Variants in KCNQ3 observed in about 807,000 individuals in gnomAD.
KCNQ3 encodes the protein potassium voltage-gated channel subfamily Q member 3.
A neutral mutation model predicts 92.5 loss-of-function variants in KCNQ3; 30 were observed. The ratio of observed to expected loss-of-function variants is 0.32; its 90% CI spans 0.24 to 0.44. KCNQ3 has a LOEUF of 0.44. Ranked by LOEUF, KCNQ3 falls within the 20% of genes least tolerant of loss-of-function variation. KCNQ3 has a pLI of 1.00. For missense variants in KCNQ3, 913 were observed against 1,140.3 expected (o/e 0.80, Z 2.87); for synonymous variants, 450 against 468.8 (o/e 0.96, Z 0.52).
chr8:132,223,093 A>T (rs1410017666), intron 1 of KCNQ3, among the ~76,000 whole-genome samples: 2 of 151,690 alleles, frequency 1.3e-5, no homozygotes, highest in African/African-American at 4.9e-5. Context: ...AAATTCATAC[A>T]TTCAACAAAA....
intron 9 of KCNQ3, among the ~76,000 whole-genome samples, chr8:132,152,251 C>T (rs996845075): frequency 2.0e-4 from 31 of 152,084 alleles, no homozygotes; most frequent in African/African-American, 6.8e-4. Context: ...AAGAGCTAAC[C>T]GAATGAACTC....
chr8:132,188,919 T>G (rs543739879), intron 1 of KCNQ3, among the ~76,000 whole-genome samples: 2 of 152,224 alleles, frequency 1.3e-5, no homozygotes, highest in South Asian at 4.1e-4. Flanking sequence ...ATTTTACATG[T>G]TGACCTGGAG....
intron 1 of KCNQ3, among the ~76,000 whole-genome samples, chr8:132,377,158 C>T (rs1438315136): frequency 6.6e-6 from 1 of 152,184 alleles, no homozygotes; most frequent in African/African-American, 2.4e-5. Context: ...TAAGCACCAT[C>T]CAATCCACTG....
Position 132,122,759 on chromosome 8 carries a change from A to G in KCNQ3, c.*6503T>C, listed in dbSNP as rs1171613010. The G allele has an allele frequency of 1.3e-5, 2 of 152,198 alleles. No individual in the cohort carries two copies. Among genetic ancestry groups the G allele is most frequent in the African/African-American group, 4.8e-5 (2 of 41,446 alleles). The allele number at this position is 152,198 out of a possible 1,614,324, so 9.4% of individuals were successfully genotyped here. ...AAACATCCTACCACAGGGATTCACA[A>G]GGACTGCTGGGGAGCCCTGCCAAAT... is the stretch of plus-strand genomic sequence containing the variant. On this transcript the variant is annotated 3_prime_UTR_variant, in exon 15 of 15. Transcript: ENST00000388996.
chr8:132,364,331 G>T (rs1333178455), intron 1 of KCNQ3, among the ~76,000 whole-genome samples: 1 of 152,206 alleles, frequency 6.6e-6, no homozygotes, highest in Non-Finnish European at 1.5e-5. Context: ...GGCTCCAAGT[G>T]TTGGCAATAC....
chr8:132,429,929 A>G (rs1421814617), intron 1 of KCNQ3, among the ~76,000 whole-genome samples: 1 of 151,844 alleles, frequency 6.6e-6, no homozygotes, highest in Non-Finnish European at 1.5e-5. Context: ...TCCTCTGCTC[A>G]CACCTTAGAC....
chr8:132,421,911 A>G (rs1363911994), intron 1 of KCNQ3, among the ~76,000 whole-genome samples: 1 of 152,124 alleles, frequency 6.6e-6, no homozygotes, highest in African/African-American at 2.4e-5. Flanking sequence ...AAATCCTCAT[A>G]CTAGTTCCAA....
chr8:132,281,114 A>C (rs1487063513), intron 1 of KCNQ3, among the ~76,000 whole-genome samples: 1 of 152,148 alleles, frequency 6.6e-6, no homozygotes, highest in Non-Finnish European at 1.5e-5. Context: ...GACTTCATTT[A>C]ATAGTCCACA....
At chr8:132,293,903 T>C (rs987603267) in intron 1 of KCNQ3, among the ~76,000 whole-genome samples, 1 of 152,010 alleles carries the variant, frequency 6.6e-6, no homozygotes, top group Admixed American at 6.5e-5. Context: ...CTCTCCTCCA[T>C]CAACCATGTT....
chr8:132,313,267 G>T (rs968622178), intron 1 of KCNQ3, among the ~76,000 whole-genome samples: 2 of 152,202 alleles, frequency 1.3e-5, no homozygotes, highest in African/African-American at 4.8e-5. Flanking sequence ...GAATAGTTTA[G>T]AAAAACAGAA....
At chr8:132,260,344 T>C (rs551310247) in intron 1 of KCNQ3, among the ~76,000 whole-genome samples, 1 of 152,280 alleles carries the variant, frequency 6.6e-6, no homozygotes, top group South Asian at 2.1e-4. Context: ...CTAACAATTA[T>C]TTACTAAACA....
At chr8:132,392,924 T>G (rs981251002) in intron 1 of KCNQ3, among the ~76,000 whole-genome samples, 1 of 152,146 alleles carries the variant, frequency 6.6e-6, no homozygotes, top group Non-Finnish European at 1.5e-5. Context: ...ACCTTTTTCT[T>G]TTTTTCTGGT....
chr8:132,401,968 T>TCAGC (rs148647176), intron 1 of KCNQ3, among the ~76,000 whole-genome samples: 2 of 32,498 alleles, frequency 6.2e-5, no homozygotes, highest in Non-Finnish European at 2.5e-4. Context: ...GCTGGTGCAG[T>TCAGC]CGGGCAGTTG....
chr8:132,267,842 C>T (rs745366730), intron 1 of KCNQ3, among the ~76,000 whole-genome samples: 3 of 152,170 alleles, frequency 2.0e-5, no homozygotes, highest in Admixed American at 6.5e-5. Flanking sequence ...TTCCATATAT[C>T]CCTGTCCCCA....
chr8:132,266,348 C>T (rs956388633), intron 1 of KCNQ3, among the ~76,000 whole-genome samples: 2 of 152,188 alleles, frequency 1.3e-5, no homozygotes, highest in African/African-American at 4.8e-5. Flanking sequence ...AACCCAGCAT[C>T]TCTTCTAAGC....
chr8:132,326,138 T>C (rs1818045215), intron 1 of KCNQ3, among the ~76,000 whole-genome samples: 1 of 151,958 alleles, frequency 6.6e-6, no homozygotes, highest in Non-Finnish European at 1.5e-5. Context: ...GACAATGTGG[T>C]GAAGGTGATG....
At chr8:132,186,712 A>G (rs1202693892) in intron 1 of KCNQ3, 8 of 250,148 alleles carry the variant, frequency 3.2e-5, no homozygotes, top group South Asian at 4.8e-5. Flanking sequence ...TTTACAGTCA[A>G]TGGAACCTCT....
At chr8:132,265,144 G>T (rs928841995) in intron 1 of KCNQ3, among the ~76,000 whole-genome samples, 1 of 152,222 alleles carries the variant, frequency 6.6e-6, no homozygotes, top group African/African-American at 2.4e-5. Context: ...CATAGTAGGT[G>T]CTCAACAAAT....
intron 1 of KCNQ3, among the ~76,000 whole-genome samples, chr8:132,360,830 T>C (rs1301012616): frequency 6.6e-6 from 1 of 152,246 alleles, no homozygotes; most frequent in African/African-American, 2.4e-5. Flanking sequence ...AAACTTGATA[T>C]CTTTTGGATG....
Sources: gnomAD v4.1 joint callset for allele counts (sites outside exome capture counted in the v4.1 genomes callset) on GRCh38, gnomAD v4.1.1 for gene constraint, MANE v1.5 for transcripts, NCBI Gene and HGNC (gene_info 2026-07-23, HGNC 2026-07-21) for gene names.